The following DTWD2 variants were observed in gnomAD, a reference collection of about 807,000 sequenced individuals.
The protein encoded by DTWD2 is DTW motif tRNA-uridine aminocarboxypropyltransferase 2, also known as tRNA-uridine aminocarboxypropyltransferase 2.
DTWD2 carries 39 observed loss-of-function variants against 31.8 expected under a neutral mutation model. The observed-to-expected ratio is 1.22, with a 90% CI of 0.95 to 1.60. DTWD2 has a LOEUF of 1.60. Ranked by LOEUF, DTWD2 falls within the 40% of genes most tolerant of loss-of-function variation. The pLI, the probability that DTWD2 is intolerant of heterozygous loss-of-function variation, is 0.00. For missense variants in DTWD2, 515 were observed against 381.5 expected, an observed-to-expected ratio of 1.35 and a Z score of -2.92; for synonymous variants, 180 against 142.8, an observed-to-expected ratio of 1.26 and a Z score of -1.86.
intron 1 of DTWD2, among the ~76,000 whole-genome samples, chr5:118,970,873 A>G (rs1017485046): frequency 6.6e-6 from 1 of 152,220 alleles, no homozygotes; most frequent in Admixed American, 6.5e-5. Context: ...AGAATTTCAT[A>G]TCTGGCCAAA....
intron 1 of DTWD2, among the ~76,000 whole-genome samples, chr5:118,969,499 T>A (rs1389848272): frequency 6.6e-6 from 1 of 152,236 alleles, no homozygotes; most frequent in Non-Finnish European, 1.5e-5. Flanking sequence ...TTTGCTGTTT[T>A]GCAGCCTTCA....
intron 4 of DTWD2, among the ~76,000 whole-genome samples, chr5:118,875,155 A>C (rs145173567): frequency 1.3e-5 from 2 of 152,312 alleles, no homozygotes; most frequent in Non-Finnish European, 2.9e-5. Flanking sequence ...AAACAAGCAA[A>C]TGCTGAGGGA....
intron 4 of DTWD2, among the ~76,000 whole-genome samples, chr5:118,895,396 T>C (rs1333691326): frequency 6.6e-6 from 1 of 152,210 alleles, no homozygotes; most frequent in Non-Finnish European, 1.5e-5. Flanking sequence ...CCCGTGCTCA[T>C]GGATTGGAAG....
chr5:118,943,943 T>C (rs969856216), intron 2 of DTWD2, among the ~76,000 whole-genome samples: 2 of 152,226 alleles, frequency 1.3e-5, no homozygotes, highest in South Asian at 2.1e-4. Context: ...AATAATTTCA[T>C]AGTATGCATT....
rs112466646 is a variant in DTWD2 at position 118,948,718 on chromosome 5, T to A, written c.219-4069A>T. Among the ~76,000 whole-genome samples, 399 of 152,236 alleles carry A rather than the reference T, an allele frequency of 2.6e-3. 2 individuals are homozygous for A. The highest frequency in any genetic ancestry group is 6.8e-3 in the Middle Eastern group (2 of 294). On this transcript the variant is annotated intron_variant, in intron 1 of 5. Coordinates refer to ENST00000510708, the MANE Select transcript of DTWD2 (RefSeq NM_173666.4). Reference sequence around the variant, plus strand: ...AATTCTGACCGCACAGCCCTGCACTTCGGCTGTGTGTAATGAAAAGGGTTG... The same window carrying A: ...AATTCTGACCGCACAGCCCTGCACTACGGCTGTGTGTAATGAAAAGGGTTG...
chr5:118,945,763 T>C (rs1754320742), intron 1 of DTWD2, among the ~76,000 whole-genome samples: 1 of 81,720 alleles, frequency 1.2e-5, no homozygotes, highest in East Asian at 3.0e-4. Flanking sequence ...AGACTCCAAC[T>C]CAAAAAAAAA....
chr5:118,939,393 C>A, intron 2 of DTWD2, 103 bp from the exon 3 acceptor site: 1 of 1,042,592 alleles, frequency 9.6e-7, no homozygotes, highest in Non-Finnish European at 1.3e-6. Context: ...GCATAACTTT[C>A]ACAAGTCTTT....
At chr5:118,960,766 T>C (rs191329538) in intron 1 of DTWD2, among the ~76,000 whole-genome samples, 27 of 152,096 alleles carry the variant, frequency 1.8e-4, no homozygotes, top group Admixed American at 1.2e-3. Context: ...AACAAAATCA[T>C]GTCCTTTAGA....
rs140765388 is a variant in DTWD2 at position 118,973,566 on chromosome 5, C to T, written c.218+14728G>A. Among the ~76,000 whole-genome samples the T allele has an allele frequency of 7.4e-3, 1,131 of 152,266 alleles. 18 individuals carry two copies. Among genetic ancestry groups the T allele is most frequent in the African/African-American group, 0.026 (1,069 of 41,568 alleles). ...TAGGTTAAAAATTCTTTTATTCCCACTGGCTGCTCTGAAAAGCCATCTTTG... is the reference window on the plus strand; with the variant it reads ...TAGGTTAAAAATTCTTTTATTCCCATTGGCTGCTCTGAAAAGCCATCTTTG... On this transcript the variant is annotated intron_variant, in intron 1 of 5. Coordinates refer to ENST00000510708, the MANE Select transcript of DTWD2 (RefSeq NM_173666.4).
chr5:118,944,593 G>C lies in DTWD2; in HGVS notation c.275C>G (p.Ser92Cys), dbSNP rs372310235. ...ATGCTGAATTATGTACAAGTGGGTA[G>C]AGATATGCAGAGGGTGCGCTGGGAG... ...PFLPAHPLHI[S>C]THLYIIQHPA... Residue 92 changes from serine to cysteine, a missense_variant, in exon 2 of 6, where the codon TCT becomes TGT. Coordinates refer to ENST00000510708, the MANE Select transcript of DTWD2 (RefSeq NM_173666.4). The C allele has an allele frequency of 6.8e-6, 11 of 1,613,452 alleles. No homozygotes were observed. The African/African-American group carries it at 1.3e-4, about 20-fold the overall frequency.
At chr5:118,932,443 A>G (rs902109986) in intron 3 of DTWD2, among the ~76,000 whole-genome samples, 5 of 152,220 alleles carry the variant, frequency 3.3e-5, no homozygotes, top group African/African-American at 1.2e-4. Flanking sequence ...ATAGGAAGAC[A>G]ACAGAAAAAA....
intron 4 of DTWD2, among the ~76,000 whole-genome samples, chr5:118,869,531 G>C (rs1242239229): frequency 6.6e-6 from 1 of 152,116 alleles, no homozygotes; most frequent in Non-Finnish European, 1.5e-5. Context: ...AGAAATTTTT[G>C]TTGCCAACCT....
intron 4 of DTWD2, among the ~76,000 whole-genome samples, chr5:118,897,036 T>A (rs1753099180): frequency 6.6e-6 from 1 of 152,212 alleles, no homozygotes; most frequent in African/African-American, 2.4e-5. Context: ...AGACAACATT[T>A]TGTGGGAGTT....
At chr5:118,875,376 G>A (rs1752597237) in intron 4 of DTWD2, among the ~76,000 whole-genome samples, 1 of 151,894 alleles carries the variant, frequency 6.6e-6, no homozygotes, top group Non-Finnish European at 1.5e-5. Context: ...ATGTAAATGG[G>A]CTAAATGCCC....
At chr5:118,930,715 A>G (rs1427218046) in intron 3 of DTWD2, among the ~76,000 whole-genome samples, 3 of 152,222 alleles carry the variant, frequency 2.0e-5, no homozygotes, top group Non-Finnish European at 4.4e-5. Flanking sequence ...TGAAAACATT[A>G]TGCTAAGTGA....
At chr5:118,917,865 T>C (rs928995635) in intron 4 of DTWD2, among the ~76,000 whole-genome samples, 2 of 151,880 alleles carry the variant, frequency 1.3e-5, no homozygotes, top group African/African-American at 4.8e-5. Context: ...CTCAAGTGTC[T>C]GAGGCAGGAG....
chr5:118,837,328 G>A lies in DTWD2; in HGVS notation c.*3589C>T, dbSNP rs1220011848. Reference sequence around the variant, plus strand: ...TGCAAAGTTTCATTCCATCTATAATGCAATATTATTTATTCATAAAAATAT... The same window carrying A: ...TGCAAAGTTTCATTCCATCTATAATACAATATTATTTATTCATAAAAATAT... On this transcript the variant is annotated 3_prime_UTR_variant, in exon 6 of 6. Coordinates refer to ENST00000510708, the MANE Select transcript of DTWD2 (RefSeq NM_173666.4). 6.6e-6 allele frequency: 1 copy of A among 152,070 alleles called. No homozygotes were observed. Among genetic ancestry groups the A allele is most frequent in the Non-Finnish European group, 1.5e-5 (1 of 68,004 alleles). The allele number at this position is 152,070 out of a possible 1,614,324, so 9.4% of individuals were successfully genotyped here.
intron 1 of DTWD2, among the ~76,000 whole-genome samples, chr5:118,945,088 A>G (rs1754301694): frequency 1.3e-5 from 2 of 152,240 alleles, no homozygotes; most frequent in African/African-American, 4.8e-5. Flanking sequence ...AGAGAAAAAC[A>G]CTAATCAAAC....
At chr5:118,882,733 C>A (rs1752769067) in intron 4 of DTWD2, among the ~76,000 whole-genome samples, 1 of 152,258 alleles carries the variant, frequency 6.6e-6, no homozygotes, top group Non-Finnish European at 1.5e-5. Context: ...TACCCTTTAG[C>A]AATGGCTGGA....
Sources: gnomAD v4.1 joint callset for allele counts (sites outside exome capture counted in the v4.1 genomes callset) on GRCh38, gnomAD v4.1.1 for gene constraint, MANE v1.5 for transcripts, NCBI Gene and HGNC (gene_info 2026-07-23, HGNC 2026-07-21) for gene names.